Variants in ALG9 observed in about 807,000 individuals in gnomAD.
The protein encoded by ALG9 is ALG9 alpha-1,2-mannosyltransferase.
ALG9 carries 55 observed loss-of-function variants against 81.8 expected under a neutral mutation model. That is an observed-to-expected ratio of 0.67 (90% confidence interval 0.54 to 0.84). ALG9 has a LOEUF of 0.84. ALG9 is among the 40% of genes least tolerant of loss of function. The pLI, the probability that ALG9 is intolerant of heterozygous loss-of-function variation, is 0.00. For synonymous variants in ALG9, 278 were observed against 274.3 expected (o/e 1.01, Z -0.13); for missense variants, 629 against 745.0 (o/e 0.84, Z 1.81).
At chr11:111,856,137 C>G (rs1555142905) in intron 6 of ALG9, among the ~76,000 whole-genome samples, 1 of 151,724 alleles carries the variant, frequency 6.6e-6, no homozygotes, top group African/African-American at 2.4e-5. Context: ...ATTAGCTGGG[C>G]GTGGTGGCAT....
Position 111,870,382 on chromosome 11 carries a change from CAAAA to C in ALG9, c.132-16_132-13del, listed in dbSNP as rs60312459. The stretch of plus-strand genomic sequence containing the variant: ...TGTTCCCAGATAACCTGTTCAAAAG[CAAAA>C]AAAAAAAAAAAAAAAAAAGCATGTC... On this transcript the variant is annotated splice_polypyrimidine_tract_variant and intron_variant, in intron 1 of 14. Transcript: ENST00000616540. The C allele has an allele frequency of 0.011, 10,272 of 946,540 alleles. No homozygotes were observed. The highest frequency in any genetic ancestry group is 0.032 in the East Asian group (541 of 17,062). The allele number at this position is 946,540 out of a possible 1,614,324, so 58.6% of individuals were successfully genotyped here.
At chr11:111,868,050 C>T (rs1431047384) in intron 3 of ALG9, among the ~76,000 whole-genome samples, 6 of 151,982 alleles carry the variant, frequency 3.9e-5, no homozygotes. Flanking sequence ...AAGAGGAAAC[C>T]GGACAGGGCT....
intron 13 of ALG9, chr11:111,814,585 G>A (rs1555095105): frequency 6.6e-6 from 1 of 152,108 alleles, no homozygotes; most frequent in African/African-American, 2.4e-5. Context: ...AAACAAGTTG[G>A]TCATCTCTGG....
At chr11:111,859,241 C>T (rs559138139) in intron 5 of ALG9, among the ~76,000 whole-genome samples, 2 of 152,288 alleles carry the variant, frequency 1.3e-5, no homozygotes, top group African/African-American at 4.8e-5. Flanking sequence ...CGGTGGCTCA[C>T]ACCTGTAATC....
chr11:111,871,329 C>G, intron 1 of ALG9, 23 bp downstream of exon 1: 1 of 1,450,884 alleles, frequency 6.9e-7, no homozygotes, highest in Non-Finnish European at 9.0e-7. Context: ...GCCGGCCACG[C>G]CCCTGCCGCG....
At chr11:111,804,234 T>C (rs1555083103) in intron 14 of ALG9, among the ~76,000 whole-genome samples, 1 of 151,120 alleles carries the variant, frequency 6.6e-6, no homozygotes, top group African/African-American at 2.4e-5. Flanking sequence ...GGTTTGGCAA[T>C]GACTTTTTAG....
intron 13 of ALG9, among the ~76,000 whole-genome samples, chr11:111,831,093 T>C (rs1592137414): frequency 6.6e-6 from 1 of 152,044 alleles, no homozygotes; most frequent in South Asian, 2.1e-4. Flanking sequence ...GAGGCTGGAG[T>C]GCAGTGGCGC....
chr11:111,804,911 A>C (rs565787578), intron 14 of ALG9, among the ~76,000 whole-genome samples: 1 of 152,318 alleles, frequency 6.6e-6, no homozygotes, highest in South Asian at 2.1e-4. Flanking sequence ...GCTTTTTGCA[A>C]AACTAAACAG....
rs1946173669 is a variant in ALG9, at chr11:111,783,811, C to G, written c.*2586G>C. 1 of 151,680 alleles carries G rather than the reference C, an allele frequency of 6.6e-6. No homozygotes were observed. The highest frequency in any genetic ancestry group is 6.6e-5 in the Admixed American group (1 of 15,178). 9.4% of individuals were successfully genotyped at this position (151,680 alleles called of 1,614,324 possible). ...GCTCTCACTAAAGACATACATAGAACAGAGAGATCCAAAATCAGGTTTTAA... is the reference window on the plus strand; with the variant it reads ...GCTCTCACTAAAGACATACATAGAAGAGAGAGATCCAAAATCAGGTTTTAA... On this transcript the variant is annotated 3_prime_UTR_variant, in exon 15 of 15. Coordinates refer to ENST00000616540, the MANE Select transcript of ALG9 (RefSeq NM_024740.2).
intron 14 of ALG9, among the ~76,000 whole-genome samples, chr11:111,799,446 CTTTTTTT>C (rs35858293): frequency 2.1e-5 from 3 of 141,462 alleles, no homozygotes; most frequent in African/African-American, 7.8e-5. Context: ...CGGCTGATTC[CTTTTTTT>C]TTTTTTTTTT....
intron 13 of ALG9, among the ~76,000 whole-genome samples, chr11:111,819,573 G>T (rs1555101190): frequency 6.6e-6 from 1 of 152,238 alleles, no homozygotes; most frequent in Admixed American, 6.5e-5. Context: ...TAGACAGTTT[G>T]CCCACAGCTA....
At chr11:111,805,821 T>C (rs1253329718) in intron 14 of ALG9, among the ~76,000 whole-genome samples, 5 of 152,194 alleles carry the variant, frequency 3.3e-5, no homozygotes, top group East Asian at 1.9e-4. Flanking sequence ...TGTGTCAATA[T>C]AGGTTCATCC....
intron 14 of ALG9, among the ~76,000 whole-genome samples, chr11:111,801,739 G>A (rs868968211): frequency 1.3e-5 from 2 of 152,134 alleles, no homozygotes; most frequent in Non-Finnish European, 2.9e-5. Flanking sequence ...TTCTCAACAG[G>A]TGGTTGTGAA....
chr11:111,859,979 T>C (rs1244296492), intron 5 of ALG9, among the ~76,000 whole-genome samples: 1 of 152,146 alleles, frequency 6.6e-6, no homozygotes, highest in Non-Finnish European at 1.5e-5. Flanking sequence ...CAGAACAGTC[T>C]GAAAGCCAAT....
rs1254479921 is a variant in ALG9 at position 111,866,461 on chromosome 11, C to T, written c.406-1210G>A. On this transcript the variant is annotated intron_variant, in intron 3 of 14. Transcript: ENST00000616540. ...TCACTAGATGTGCCAATTGTTACCA[C>T]CCTGTCTCTCAGAAACAACCATCCT... Among the ~76,000 whole-genome samples the T allele has an allele frequency of 2.0e-5, 3 of 152,162 alleles. No homozygotes were observed. The South Asian group carries it at 6.2e-4, about 32-fold the overall frequency.
chr11:111,799,826 G>A (rs1421320795), intron 14 of ALG9, among the ~76,000 whole-genome samples: 1 of 152,142 alleles, frequency 6.6e-6, no homozygotes, highest in Non-Finnish European at 1.5e-5. Flanking sequence ...AGCCAAAGAG[G>A]TAAATAGAAC....
chr11:111,863,567 G>C (rs1555149935), intron 4 of ALG9, among the ~76,000 whole-genome samples: 1 of 151,974 alleles, frequency 6.6e-6, no homozygotes, highest in Non-Finnish European at 1.5e-5. Flanking sequence ...TTTTAGCTGT[G>C]GGAAGATTTT....
rs1555063916 is a variant in ALG9 at position 111,786,440 on chromosome 11, T to C, written c.1814A>G (p.Lys605Arg). 1 of 1,614,038 alleles carries C rather than the reference T, an allele frequency of 6.2e-7. No individual in the cohort carries two copies. Among genetic ancestry groups the C allele is most frequent in the Admixed American group, 1.7e-5 (1 of 60,012 alleles). The stretch of plus-strand genomic sequence containing the variant: ...CCTGATTTGCTTTGCTTTCCGGGGT[T>C]TGAGGATGGTGTAGTTTACGTACAC... Reference protein sequence around the residue: ...YTVYVNYTILKPRKAKQIRKK... With the variant: ...YTVYVNYTILRPRKAKQIRKK... The change falls in exon 15 of 15, where the codon AAA (lysine) becomes AGA (arginine). Residue 605 changes from lysine to arginine, a missense_variant. Lys to Arg is a conservative substitution (Grantham distance 26). This residue lies in a region of ALG9 where 264 missense variants were observed against 302.2 expected (regional missense o/e 0.87). Coordinates refer to ENST00000616540, the MANE Select transcript of ALG9 (RefSeq NM_024740.2).
intron 13 of ALG9, among the ~76,000 whole-genome samples, chr11:111,834,808 A>G (rs565878146): frequency 3.9e-5 from 6 of 152,312 alleles, no homozygotes; most frequent in East Asian, 1.9e-4. Flanking sequence ...ATATCTGCAG[A>G]TAAAATTAAA....
Sources: gnomAD v4.1 joint callset for allele counts (sites outside exome capture counted in the v4.1 genomes callset) on GRCh38, gnomAD v4.1.1 for gene constraint, gnomAD v4.1.1 regional missense constraint, MANE v1.5 for transcripts, NCBI Gene and HGNC (gene_info 2026-07-23, HGNC 2026-07-21) for gene names.